EYS: variants seen among roughly 807,000 people sequenced by gnomAD.
The protein encoded by EYS is protein eyes shut homolog.
In EYS, 250 loss-of-function variants were observed where a neutral mutation model predicts 282.1. The observed-to-expected ratio is 0.89, with a 90% CI of 0.80 to 0.98. The LOEUF (loss-of-function observed/expected upper bound fraction) is 0.98, where lower values mean the gene tolerates loss of function less well. EYS is among the 50% of genes least tolerant of loss of function. The pLI is 0.00. For synonymous variants in EYS, 1,355 were observed against 1,282.9 expected (o/e 1.06, Z -1.20); for missense variants, 4,016 against 3,709.0 (o/e 1.08, Z -2.15).
At chr6:65,016,808 T>C (rs1396042620) in intron 13 of EYS, among the ~76,000 whole-genome samples, 1 of 152,222 alleles carries the variant, frequency 6.6e-6, no homozygotes, top group African/African-American at 2.4e-5. Flanking sequence ...TCTCTTTATA[T>C]TTTCATAAAA....
chr6:64,005,276 C>G (rs1417985640), intron 33 of EYS, among the ~76,000 whole-genome samples: 1 of 152,114 alleles, frequency 6.6e-6, no homozygotes, highest in Non-Finnish European at 1.5e-5. Context: ...TGAAAAGTGT[C>G]TGTTAAGTTC....
chr6:65,332,512 C>G (rs1256154468), intron 11 of EYS: 2 of 1,039,094 alleles, frequency 1.9e-6, no homozygotes, highest in Non-Finnish European at 2.9e-6. Context: ...AGAGTATATA[C>G]AATTTTCTCA....
chr6:64,103,006 A>G (rs1772884638), intron 31 of EYS, among the ~76,000 whole-genome samples: 1 of 152,196 alleles, frequency 6.6e-6, no homozygotes, highest in South Asian at 2.1e-4. Context: ...TACTTAACAG[A>G]GAACATTTGT....
chr6:64,581,462 T>G (rs1190523498), intron 26 of EYS, among the ~76,000 whole-genome samples: 1 of 152,172 alleles, frequency 6.6e-6, no homozygotes, highest in Non-Finnish European at 1.5e-5. Flanking sequence ...ATGGTCTTTA[T>G]CTAATCATTT....
intron 24 of EYS, among the ~76,000 whole-genome samples, chr6:64,614,167 C>G (rs1233885143): frequency 6.6e-6 from 1 of 152,132 alleles, no homozygotes; most frequent in Admixed American, 6.6e-5. Context: ...CTCCACACCT[C>G]ACACTTCTTT....
chr6:64,403,729 G>C (rs1322157016), intron 28 of EYS, among the ~76,000 whole-genome samples: 1 of 151,938 alleles, frequency 6.6e-6, no homozygotes, highest in Non-Finnish European at 1.5e-5. Flanking sequence ...AAGAATATTG[G>C]GTCATGTTGT....
At chr6:65,394,394 C>T (rs1461664812) in intron 7 of EYS, among the ~76,000 whole-genome samples, 1 of 152,030 alleles carries the variant, frequency 6.6e-6, no homozygotes, top group Non-Finnish European at 1.5e-5. Context: ...AATGACTTTC[C>T]CTTCTCTACT....
chr6:64,590,691 C>T lies in EYS; in HGVS notation c.5176G>A (p.Glu1726Lys). 6.4e-7 allele frequency: 1 copy of T among 1,551,084 alleles called. No homozygotes were observed. The highest frequency in any genetic ancestry group is 1.2e-5 in the South Asian group (1 of 84,024). ...VLNQESLLDM[E>K]KSKGSHTLFK... ...AGTGTATGAGATCCTTTACTTTTTTCCATGTCCAATAAGCTCTCTTGATTT... is the reference window on the plus strand; with the variant it reads ...AGTGTATGAGATCCTTTACTTTTTTTCATGTCCAATAAGCTCTCTTGATTT... Residue 1726 changes from glutamate to lysine, a missense_variant, in exon 26 of 43, where the codon GAA becomes AAA. Coordinates refer to ENST00000503581, the MANE Select transcript of EYS (RefSeq NM_001142800.2).
At chr6:64,781,885 C>T (rs995877537) in intron 22 of EYS, among the ~76,000 whole-genome samples, 6 of 152,174 alleles carry the variant, frequency 3.9e-5, no homozygotes, top group African/African-American at 1.2e-4. Flanking sequence ...TCCAACATAA[C>T]TCATATTATG....
intron 31 of EYS, among the ~76,000 whole-genome samples, chr6:64,202,763 G>T (rs28605089): frequency 0.3 from 46,291 of 151,974 alleles, 7,126 homozygotes; most frequent in East Asian, 0.5. Context: ...AGAGGAAAGA[G>T]AAGGGGAAAG....
chr6:63,811,641 T>A (rs1771049366), intron 36 of EYS, among the ~76,000 whole-genome samples: 1 of 152,136 alleles, frequency 6.6e-6, no homozygotes, highest in African/African-American at 2.4e-5. Context: ...GATTCACATA[T>A]CCAACCAACT....
chr6:63,971,249 G>A (rs899683999), intron 35 of EYS, among the ~76,000 whole-genome samples: 7 of 152,160 alleles, frequency 4.6e-5, no homozygotes, highest in Admixed American at 1.3e-4. Flanking sequence ...CTGTCAGTGT[G>A]ATTTGCTCCA....
In EYS at chr6:65,643,961, A is replaced by G. The variant is rs558708771; in HGVS notation, c.-447-4069T>C. On this transcript the variant is annotated intron_variant, in intron 1 of 42. Transcript: ENST00000503581. The stretch of plus-strand genomic sequence containing the variant: ...CCAGATCTTCCCTCTGACATAGTCT[A>G]CCCAATGAGAAGAAAACATAAAAAC... 2.6e-5 allele frequency among the ~76,000 whole-genome samples: 4 copies of G among 152,222 alleles called. 1 individual carries two copies. The highest frequency in any genetic ancestry group is 9.6e-5 in the African/African-American group (4 of 41,540).
chr6:65,513,020 C>A (rs1224412046), intron 2 of EYS, among the ~76,000 whole-genome samples: 1 of 151,864 alleles, frequency 6.6e-6, no homozygotes, highest in Non-Finnish European at 1.5e-5. Context: ...TTGAAAGGAT[C>A]AACAAAATTG....
chr6:65,349,599 A>T (rs1770525931), intron 9 of EYS, among the ~76,000 whole-genome samples: 1 of 151,520 alleles, frequency 6.6e-6, no homozygotes. Context: ...AAGTATATAC[A>T]CATTGCAGAA....
intron 13 of EYS, among the ~76,000 whole-genome samples, chr6:65,056,408 C>T (rs1773415725): frequency 1.3e-5 from 2 of 151,922 alleles, no homozygotes; most frequent in Non-Finnish European, 2.9e-5. Context: ...GCCTGGGCAA[C>T]ACAGTGAAAC....
At chr6:65,108,486 T>A (rs1279633204) in intron 12 of EYS, among the ~76,000 whole-genome samples, 1 of 152,062 alleles carries the variant, frequency 6.6e-6, no homozygotes, top group Non-Finnish European at 1.5e-5. Context: ...TTAGTGGATA[T>A]GGGTATTGCC....
In EYS at chr6:64,620,564, G is replaced by A. The variant is rs78734429; in HGVS notation, c.3569-3031C>T. Among the ~76,000 whole-genome samples the A allele has an allele frequency of 3.5e-4, 53 of 152,336 alleles. No individual in the cohort carries two copies. The East Asian group carries it at 9.3e-3, about 27-fold the overall frequency. Reference sequence around the variant, plus strand: ...GTACAGGAAACCACACTACATGGGAGTGGATACTGAGTGTCAATCATACCC... The same window carrying A: ...GTACAGGAAACCACACTACATGGGAATGGATACTGAGTGTCAATCATACCC... On this transcript the variant is annotated intron_variant, in intron 23 of 42. Transcript: ENST00000503581.
rs1255143066 is a variant in EYS at position 65,318,936 on chromosome 6, C to A, written c.1766+16044G>T. On this transcript the variant is annotated intron_variant, in intron 11 of 42. Transcript: ENST00000503581. The stretch of plus-strand genomic sequence containing the variant: ...GGATTACCGTCGTGAGCCACTGCGC[C>A]CAGGCTGGTCATAGTTTTGTTGTGA... Among the ~76,000 whole-genome samples, 24 of 151,324 alleles carry A rather than the reference C, an allele frequency of 1.6e-4. No homozygotes were observed. In the East Asian group the frequency reaches 4.5e-3, roughly 28 times the overall value.
Sources: allele counts gnomAD v4.1 joint callset (sites outside exome capture counted in the v4.1 genomes callset), GRCh38; gene constraint gnomAD v4.1.1; transcripts MANE v1.5; gene names NCBI Gene and HGNC (gene_info 2026-07-23, HGNC 2026-07-21).